PARN: variants seen among roughly 807,000 people sequenced by gnomAD.
PARN encodes poly(A)-specific ribonuclease, also known as poly(A)-specific ribonuclease PARN.
In PARN, 71 loss-of-function variants were observed where a neutral mutation model predicts 102.8. The observed-to-expected ratio is 0.69, with a 90% CI of 0.57 to 0.84. The LOEUF (loss-of-function observed/expected upper bound fraction) is 0.84, where lower values mean the gene tolerates loss of function less well. Ranked by LOEUF, PARN falls within the 40% of genes least tolerant of loss-of-function variation. The probability of loss-of-function intolerance (pLI) is 0.00; values close to 1 mark genes in which losing one functional copy is unlikely to be tolerated. For missense variants in PARN, 782 were observed against 760.9 expected, an observed-to-expected ratio of 1.03 and a Z score of -0.33; for synonymous variants, 261 against 252.9, an observed-to-expected ratio of 1.03 and a Z score of -0.30.
At chr16:14,552,810 T>C (rs150838938) in intron 20 of PARN, among the ~76,000 whole-genome samples, 186 of 152,090 alleles carry the variant, frequency 1.2e-3, no homozygotes, top group African/African-American at 4.1e-3. Flanking sequence ...TAGCTGGGCA[T>C]GGTGGCGCAT....
At chr16:14,564,551 C>G (rs1256828215) in intron 18 of PARN, among the ~76,000 whole-genome samples, 1 of 152,194 alleles carries the variant, frequency 6.6e-6, no homozygotes, top group African/African-American at 2.4e-5. Flanking sequence ...ATCAGGAAAA[C>G]GAGTGAATCA....
rs117391041 is a variant in PARN at position 14,496,555 on chromosome 16, C to T, written c.1481-13728G>A. ...ACAGCTGAAAGACCTAAGCAATTTACAACATTCTTCACACTTCATGGCAGA... is the reference window on the plus strand; with the variant it reads ...ACAGCTGAAAGACCTAAGCAATTTATAACATTCTTCACACTTCATGGCAGA... On this transcript the variant is annotated intron_variant, in intron 21 of 23. Coordinates refer to ENST00000437198, the MANE Select transcript of PARN (RefSeq NM_002582.4). 3.3e-5 allele frequency among the ~76,000 whole-genome samples: 5 copies of T among 152,234 alleles called. No homozygotes were observed. The East Asian group carries it at 7.7e-4, about 24-fold the overall frequency.
At chr16:14,456,373 AT>A (rs1343207480) in intron 22 of PARN, among the ~76,000 whole-genome samples, 1 of 151,676 alleles carries the variant, frequency 6.6e-6, no homozygotes, top group Non-Finnish European at 1.5e-5. Flanking sequence ...GTGTCTTGCT[AT>A]GTTGCCTCAG....
chr16:14,571,701 G>A (rs937325326), intron 18 of PARN, among the ~76,000 whole-genome samples: 1 of 152,154 alleles, frequency 6.6e-6, no homozygotes, highest in Non-Finnish European at 1.5e-5. Flanking sequence ...TGAGGCCTAT[G>A]ATGTACCAGC....
At chr16:14,447,569 C>T (rs898886495) in intron 22 of PARN, among the ~76,000 whole-genome samples, 1 of 152,194 alleles carries the variant, frequency 6.6e-6, no homozygotes, top group Admixed American at 6.5e-5. Context: ...ACAGAGCATA[C>T]CCCACCTTCA....
chr16:14,460,219 GCTT>G (rs2151571742), intron 22 of PARN, among the ~76,000 whole-genome samples: 1 of 152,238 alleles, frequency 6.6e-6, no homozygotes, highest in Admixed American at 6.5e-5. Flanking sequence ...CACACCCAGA[GCTT>G]CTTATCAATT....
chr16:14,467,639 A>T (rs1043244155), intron 22 of PARN, among the ~76,000 whole-genome samples: 1 of 152,232 alleles, frequency 6.6e-6, no homozygotes, highest in Non-Finnish European at 1.5e-5. Context: ...CCCTTAAAAA[A>T]TGGCATGAAA....
chr16:14,602,272 G>A (rs971261204), intron 11 of PARN, among the ~76,000 whole-genome samples: 2 of 152,050 alleles, frequency 1.3e-5, no homozygotes, highest in East Asian at 1.9e-4. Flanking sequence ...ATAATCTCCC[G>A]GTACATTTTG....
At chr16:14,484,997 T>A (rs992703610) in intron 21 of PARN, among the ~76,000 whole-genome samples, 1 of 152,032 alleles carries the variant, frequency 6.6e-6, no homozygotes, top group Non-Finnish European at 1.5e-5. Flanking sequence ...GGCGGGAGGA[T>A]AACTTGAGCC....
Position 14,628,901 on chromosome 16 carries a change from A to G in PARN, c.98-650T>C, listed in dbSNP as rs982237892. Among the ~76,000 whole-genome samples the G allele has an allele frequency of 7.2e-5, 11 of 152,222 alleles. 1 individual carries two copies. Among genetic ancestry groups the G allele is most frequent in the Admixed American group, 2.6e-4 (4 of 15,284 alleles). On this transcript the variant is annotated intron_variant, in intron 2 of 23. Transcript: ENST00000437198. ...GTCTTTGCTCCCCCTAAAAAAGGGG[A>G]AAAAAAATTTGCAACTTTAAGTGTC...
At chr16:14,577,930 A>G (rs944610488) in intron 18 of PARN, among the ~76,000 whole-genome samples, 1 of 151,944 alleles carries the variant, frequency 6.6e-6, no homozygotes, top group African/African-American at 2.4e-5. Flanking sequence ...AGCCTCCCAA[A>G]GTGCTGGGAT....
chr16:14,436,435 G>A lies in PARN; in HGVS notation c.*282C>T. 1 of 485,446 alleles carries A rather than the reference G, an allele frequency of 2.1e-6. No homozygotes were observed. Among genetic ancestry groups the A allele is most frequent in the Non-Finnish European group, 3.7e-6 (1 of 272,652 alleles). The allele number at this position is 485,446 out of a possible 1,614,324, so 30.1% of individuals were successfully genotyped here. A position where few individuals can be genotyped will look rare whatever the true frequency, so the allele number is the denominator to read the frequency against. On this transcript the variant is annotated 3_prime_UTR_variant, in exon 24 of 24. Transcript: ENST00000437198. Reference sequence around the variant, plus strand: ...AAGCACACTGGGTCATGACAGGAAAGGCCTCACAAGAGCAACACGGAATTC... The same window carrying A: ...AAGCACACTGGGTCATGACAGGAAAAGCCTCACAAGAGCAACACGGAATTC...
In PARN at chr16:14,482,828, C is replaced by T. The variant is rs1412358291; in HGVS notation, c.1481-1G>A. 1 of 1,590,558 alleles carries T rather than the reference C, an allele frequency of 6.3e-7. No individual in the cohort carries two copies. The highest frequency in any genetic ancestry group is 8.5e-7 in the Non-Finnish European group (1 of 1,172,100). ...TCTGCATATTTGCTGGTATTGACAGCTACAAGGAAAAGAAAAAAAAATAAA... is the reference window on the plus strand; with the variant it reads ...TCTGCATATTTGCTGGTATTGACAGTTACAAGGAAAAGAAAAAAAAATAAA... On this transcript the variant is annotated splice_acceptor_variant, in intron 21 of 23. Coordinates refer to ENST00000437198, the MANE Select transcript of PARN (RefSeq NM_002582.4). LOFTEE classifies it high-confidence loss of function.
chr16:14,537,755 G>A (rs1334360649), intron 21 of PARN, among the ~76,000 whole-genome samples: 1 of 152,062 alleles, frequency 6.6e-6, no homozygotes, highest in African/African-American at 2.4e-5. Flanking sequence ...GAGTATAATT[G>A]GGAGTATTAA....
chr16:14,559,603 A>C (rs1967929026), intron 18 of PARN, among the ~76,000 whole-genome samples: 1 of 151,758 alleles, frequency 6.6e-6, no homozygotes, highest in African/African-American at 2.4e-5. Flanking sequence ...TTAAGTTATT[A>C]CCAAATATAG....
In PARN at chr16:14,630,166, G is replaced by C. The variant is rs372958720; in HGVS notation, c.-41C>G. The C allele has an allele frequency of 1.3e-6, 2 of 1,538,606 alleles. No homozygotes were observed. The highest frequency in any genetic ancestry group is 1.8e-6 in the Non-Finnish European group (2 of 1,136,876). ...GAACCTTGGCCCCACCCGGGCCCGCGCCCGCCTCAGCGGTTCTACTCGCCG... is the reference window on the plus strand; with the variant it reads ...GAACCTTGGCCCCACCCGGGCCCGCCCCCGCCTCAGCGGTTCTACTCGCCG... On this transcript the variant is annotated 5_prime_UTR_variant, in exon 1 of 24. Coordinates refer to ENST00000437198, the MANE Select transcript of PARN (RefSeq NM_002582.4).
chr16:14,468,644 C>T (rs919018907), intron 22 of PARN, among the ~76,000 whole-genome samples: 2 of 152,154 alleles, frequency 1.3e-5, no homozygotes, highest in Non-Finnish European at 1.5e-5. Context: ...TGAGAACCAC[C>T]TCAACTGCCC....
chr16:14,452,709 A>T (rs1961518077), intron 22 of PARN, among the ~76,000 whole-genome samples: 1 of 152,212 alleles, frequency 6.6e-6, no homozygotes, highest in African/African-American at 2.4e-5. Context: ...GGAGAGGCTA[A>T]TGGTTATTGG....
chr16:14,457,927 T>C (rs1156708520), intron 22 of PARN, among the ~76,000 whole-genome samples: 2 of 148,888 alleles, frequency 1.3e-5, no homozygotes, highest in East Asian at 3.9e-4. Flanking sequence ...GGGGTGTGTG[T>C]GTGGGTGTGT....
Sources: allele counts gnomAD v4.1 joint callset (sites outside exome capture counted in the v4.1 genomes callset), GRCh38; gene constraint gnomAD v4.1.1; transcripts MANE v1.5; gene names NCBI Gene and HGNC (gene_info 2026-07-23, HGNC 2026-07-21).